The following PIAS4 variants were observed in gnomAD, a reference collection of about 807,000 sequenced individuals.
The protein encoded by PIAS4 is protein inhibitor of activated STAT 4, also known as E3 SUMO-protein ligase PIAS4.
Under a neutral mutation model 58.0 loss-of-function variants are expected in PIAS4, and 7 were observed. The ratio of observed to expected loss-of-function variants is 0.12; its 90% CI spans 0.07 to 0.23. The LOEUF (loss-of-function observed/expected upper bound fraction) is 0.23. Ranked by LOEUF, PIAS4 falls within the 10% of genes least tolerant of loss-of-function variation. The pLI is 1.00. For synonymous variants in PIAS4, 364 were observed against 312.4 expected (o/e 1.17, Z -1.74); for missense variants, 550 against 709.5 (o/e 0.78, Z 2.55).
intron 2 of PIAS4, among the ~76,000 whole-genome samples, chr19:4,016,251 G>A (rs986037619): frequency 6.6e-6 from 1 of 152,256 alleles, no homozygotes; most frequent in African/African-American, 2.4e-5. Flanking sequence ...GGGGCAGAAG[G>A]AAGGATACAT....
At chr19:4,012,165 G>A (rs1214505644) in intron 1 of PIAS4, among the ~76,000 whole-genome samples, 1 of 151,876 alleles carries the variant, frequency 6.6e-6, no homozygotes, top group African/African-American at 2.4e-5. Context: ...GAGAAACCCT[G>A]CCTGGGATGA....
intron 7 of PIAS4, among the ~76,000 whole-genome samples, chr19:4,031,819 C>T (rs533838313): frequency 1.3e-5 from 2 of 152,330 alleles, no homozygotes; most frequent in East Asian, 1.9e-4. Context: ...CTGCTGCGCA[C>T]GTCTCTCCAT....
chr19:4,027,712 A>C (rs970717221), intron 3 of PIAS4, among the ~76,000 whole-genome samples: 2 of 151,698 alleles, frequency 1.3e-5, no homozygotes, highest in African/African-American at 4.8e-5. Context: ...GGTGTGCACC[A>C]CCACGCCTGG....
chr19:4,024,794 G>C (rs566983150), intron 3 of PIAS4, among the ~76,000 whole-genome samples: 74 of 151,308 alleles, frequency 4.9e-4, no homozygotes, highest in Non-Finnish European at 8.1e-4. Flanking sequence ...TGTAGCTCTT[G>C]TTATCCAGGC....
chr19:4,019,855 C>T (rs938771961), intron 2 of PIAS4, among the ~76,000 whole-genome samples: 4 of 152,106 alleles, frequency 2.6e-5, no homozygotes, highest in African/African-American at 7.2e-5. Context: ...ATGGGCGGGA[C>T]GTGCAGGCTG....
At chr19:4,035,665 G>T (rs1259133049) in intron 9 of PIAS4, among the ~76,000 whole-genome samples, 7 of 148,484 alleles carry the variant, frequency 4.7e-5, no homozygotes, top group Admixed American at 3.4e-4. Flanking sequence ...CCTGTTTCCT[G>T]ATCTGGCGGG....
At chr19:4,028,348 C>A in intron 4 of PIAS4, 161 bp downstream of exon 4, 1 of 787,886 alleles carries the variant, frequency 1.3e-6, no homozygotes, top group Non-Finnish European at 2.1e-6. Context: ...ACATCACCAT[C>A]CGACCCCCAC....
rs777144966 is a variant in PIAS4, at chr19:4,028,853, G to A, written c.801+5G>A. ...ACCTGGGGGAACTACGGCAAGGTGA[G>A]TGCGTGCCCGGGTGCCCACCCTGCC... On this transcript the variant is annotated splice_donor_5th_base_variant and intron_variant, in intron 6 of 10. Coordinates refer to ENST00000262971, the MANE Select transcript of PIAS4 (RefSeq NM_015897.4). The A allele has an allele frequency of 1.2e-6, 2 of 1,613,338 alleles. No homozygotes were observed. Among genetic ancestry groups the A allele is most frequent in the Admixed American group, 1.7e-5 (1 of 60,010 alleles).
At chr19:4,030,751 C>T (rs2144934556) in intron 7 of PIAS4, among the ~76,000 whole-genome samples, 1 of 152,342 alleles carries the variant, frequency 6.6e-6, no homozygotes, top group Middle Eastern at 3.4e-3. Flanking sequence ...CGCTGGCCTT[C>T]TCTGGTGGCC....
At chr19:4,036,055 T>C (rs142560373) in intron 9 of PIAS4, among the ~76,000 whole-genome samples, 2 of 60,714 alleles carry the variant, frequency 3.3e-5, no homozygotes, top group African/African-American at 4.9e-5. Flanking sequence ...CACACACATC[T>C]ATACAGTCCA....
chr19:4,019,170 G>A (rs971686844), intron 2 of PIAS4, among the ~76,000 whole-genome samples: 8 of 152,166 alleles, frequency 5.3e-5, no homozygotes, highest in African/African-American at 1.9e-4. Context: ...TGGGTTTCTG[G>A]CCCCAAACAG....
Position 4,033,569 on chromosome 19 carries a change from C to T in PIAS4, c.1131C>T (p.Leu377=), listed in dbSNP as rs2040245586. The T allele has an allele frequency of 3.7e-6, 6 of 1,607,076 alleles. No homozygotes were observed. Among genetic ancestry groups the T allele is most frequent in the South Asian group, 3.3e-5 (3 of 89,878 alleles). The change falls in exon 9 of 11, where the codon CTC becomes CTT. Residue 377 remains leucine, a synonymous_variant. Transcript: ENST00000262971. ...ACAAGCCAGCCCCCTACGACCAGCT[C>T]ATCATCGACGGGTGAGCCCGGGGCC... The part of the protein sequence containing the change: ...VCDKPAPYDQ[L]IIDGLLSKIL...
At chr19:4,036,832 TCA>T (rs561780709) in intron 9 of PIAS4, among the ~76,000 whole-genome samples, 15 of 141,188 alleles carry the variant, frequency 1.1e-4, no homozygotes, top group South Asian at 4.2e-4. Flanking sequence ...GTCCACACCG[TCA>T]CACACACACG....
At chr19:4,032,688 T>A (rs1445943082) in intron 7 of PIAS4, among the ~76,000 whole-genome samples, 1 of 152,218 alleles carries the variant, frequency 6.6e-6, no homozygotes, top group African/African-American at 2.4e-5. Context: ...AGCCCCAGGA[T>A]CCGTCTCCCA....
chr19:4,019,586 G>T (rs922593972), intron 2 of PIAS4, among the ~76,000 whole-genome samples: 1 of 152,138 alleles, frequency 6.6e-6, no homozygotes, highest in Non-Finnish European at 1.5e-5. Context: ...TCAGGTGTAG[G>T]CTCCCGTGCA....
rs948847058 is a variant in PIAS4, at chr19:4,038,243, G to A, written c.*368G>A. On this transcript the variant is annotated 3_prime_UTR_variant, in exon 11 of 11. Transcript: ENST00000262971. The surrounding 1 kb of genome is among the most constrained non-coding windows in gnomAD (Gnocchi z 4.1). ...CCCTCCGGATGCCCCGCCGCCCGCC[G>A]CCCTCTGCCCACGACCATTCCAGCC... The A allele has an allele frequency of 3.0e-5, 7 of 235,404 alleles. No individual in the cohort carries two copies. Among genetic ancestry groups the A allele is most frequent in the East Asian group, 1.6e-4 (1 of 6,210 alleles). 14.6% of individuals were successfully genotyped at this position (235,404 alleles called of 1,614,324 possible).
At chr19:4,010,184 G>C (rs2039978993) in intron 1 of PIAS4, among the ~76,000 whole-genome samples, 1 of 152,214 alleles carries the variant, frequency 6.6e-6, no homozygotes, top group South Asian at 2.1e-4. Context: ...CTTCCTGAAT[G>C]CTTGTCCCCC....
chr19:4,016,007 T>G (rs7258309), intron 2 of PIAS4, among the ~76,000 whole-genome samples: 36,680 of 152,112 alleles, frequency 0.24, 4,964 homozygotes, highest in African/African-American at 0.37. Flanking sequence ...CCCAGAACAG[T>G]GCGGAGAACG....
chr19:4,039,369 AAG>A lies in PIAS4; in HGVS notation c.*1495_*1496del, dbSNP rs1454137169. On this transcript the variant is annotated 3_prime_UTR_variant, in exon 11 of 11. Transcript: ENST00000262971. The stretch of plus-strand genomic sequence containing the variant: ...TTGTTTTTAAAAAATGCAAATAAAA[AAG>A]GTCGAGGTGAAGCCATCCAGGCGTC... 6.6e-6 allele frequency: 1 copy of A among 152,210 alleles called. No homozygotes were observed. Among genetic ancestry groups the A allele is most frequent in the Admixed American group, 6.5e-5 (1 of 15,286 alleles). The allele number at this position is 152,210 out of a possible 1,614,324, so 9.4% of individuals were successfully genotyped here. A position where few individuals can be genotyped will look rare whatever the true frequency, so the allele number is the denominator to read the frequency against.
Sources: gnomAD v4.1 joint callset for allele counts (sites outside exome capture counted in the v4.1 genomes callset) on GRCh38, gnomAD v4.1.1 for gene constraint, Gnocchi (gnomAD v3.1) non-coding constraint, MANE v1.5 for transcripts, NCBI Gene and HGNC (gene_info 2026-07-23, HGNC 2026-07-21) for gene names.